The following DPYD variants were observed in gnomAD, a reference collection of about 807,000 sequenced individuals.
DPYD encodes the protein dihydropyrimidine dehydrogenase.
DPYD carries 109 observed loss-of-function variants against 116.2 expected under a neutral mutation model. The observed-to-expected ratio is 0.94, with a 90% CI of 0.80 to 1.10. The LOEUF is 1.10. Among genes scored for constraint, DPYD ranks in the 50% least tolerant of loss-of-function variants. The pLI is 0.00. For synonymous variants in DPYD, 440 were observed against 432.0 expected (o/e 1.02, Z -0.23); for missense variants, 1,302 against 1,254.5 (o/e 1.04, Z -0.57).
At chr1:97,312,802 T>C (rs72726693) in intron 16 of DPYD, among the ~76,000 whole-genome samples, 2,267 of 151,976 alleles carry the variant, frequency 0.015, 41 homozygotes, top group Middle Eastern at 0.044. Flanking sequence ...TAATCGGGTA[T>C]AGACATTTGC....
intron 20 of DPYD, among the ~76,000 whole-genome samples, chr1:97,190,835 C>T (rs1289883969): frequency 6.6e-6 from 1 of 152,154 alleles, no homozygotes; most frequent in Non-Finnish European, 1.5e-5. Context: ...AATATCTATT[C>T]TGGTTTATTC....
chr1:97,098,623 T>A lies in DPYD; in HGVS notation c.2632A>T (p.Ser878Cys), dbSNP rs762911226. The A allele has an allele frequency of 1.2e-6, 2 of 1,612,896 alleles. No individual in the cohort carries two copies. Among genetic ancestry groups the A allele is most frequent in the South Asian group, 2.2e-5 (2 of 91,046 alleles). Residue 878 changes from serine (S) to cysteine (C), a missense_variant, in exon 21 of 23, where the codon AGT becomes TGT. By Grantham distance (112) the Ser-to-Cys change is moderately radical. Transcript: ENST00000370192. The stretch of plus-strand genomic sequence containing the variant: ...CGCTGTTCCAGATAAGGTCCAAAAC[T>A]TGGCAGTTTCTAAAAGGAAAACACA... ...IAELMDKKLP[S>C]FGPYLEQRKK...
intron 19 of DPYD, among the ~76,000 whole-genome samples, chr1:97,212,477 G>T (rs931110925): frequency 1.3e-5 from 2 of 152,052 alleles, no homozygotes; most frequent in Non-Finnish European, 2.9e-5. Context: ...ACCTGCTAGG[G>T]ATTTAGACTG....
intron 20 of DPYD, among the ~76,000 whole-genome samples, chr1:97,141,490 C>T (rs976924589): frequency 9.9e-5 from 15 of 152,084 alleles, no homozygotes; most frequent in African/African-American, 3.4e-4. Context: ...ATTTCCTTCA[C>T]ATTTTGCTCA....
At chr1:97,313,071 C>G (rs1029415243) in intron 16 of DPYD, among the ~76,000 whole-genome samples, 2 of 151,796 alleles carry the variant, frequency 1.3e-5, no homozygotes, top group African/African-American at 4.8e-5. Flanking sequence ...AAATGCAAAC[C>G]AGGCACACAA....
intron 16 of DPYD, among the ~76,000 whole-genome samples, chr1:97,314,283 T>C (rs1015945990): frequency 6.6e-6 from 1 of 151,902 alleles, no homozygotes; most frequent in Non-Finnish European, 1.5e-5. Flanking sequence ...CTTTAGTCCC[T>C]GGGACCTTGA....
At chr1:97,467,631 G>A (rs1677406269) in intron 13 of DPYD, among the ~76,000 whole-genome samples, 2 of 152,188 alleles carry the variant, frequency 1.3e-5, no homozygotes, top group African/African-American at 4.8e-5. Flanking sequence ...CTATCAGGTT[G>A]TCAGTGTTTG....
At chr1:97,666,330 T>TC (rs1437875928) in intron 8 of DPYD, among the ~76,000 whole-genome samples, 1 of 151,988 alleles carries the variant, frequency 6.6e-6, no homozygotes, top group East Asian at 1.9e-4. Context: ...ATGGCGAATT[T>TC]TTTCTTTTTG....
chr1:97,361,471 T>A (rs1357588247), intron 16 of DPYD, among the ~76,000 whole-genome samples: 2 of 152,198 alleles, frequency 1.3e-5, no homozygotes, highest in African/African-American at 2.4e-5. Flanking sequence ...AGCATTATCC[T>A]GATACCAAAG....
At chr1:97,110,991 G>C (rs998896085) in intron 20 of DPYD, among the ~76,000 whole-genome samples, 1 of 147,760 alleles carries the variant, frequency 6.8e-6, no homozygotes, top group Non-Finnish European at 1.5e-5. Flanking sequence ...AACATAGAGA[G>C]ACCCCATCTC....
At chr1:97,295,072 G>T (rs2101000636) in intron 18 of DPYD, among the ~76,000 whole-genome samples, 1 of 152,300 alleles carries the variant, frequency 6.6e-6, no homozygotes, top group South Asian at 2.1e-4. Flanking sequence ...TCATTTTGGA[G>T]AAAGATCTGA....
chr1:97,720,052 G>GT, intron 5 of DPYD: 7 of 984,858 alleles, frequency 7.1e-6, no homozygotes, highest in Non-Finnish European at 7.2e-6. Context: ...GTAGAACCAA[G>GT]TAAGAGTTCC....
chr1:97,521,474 C>T (rs1648657443), intron 12 of DPYD, among the ~76,000 whole-genome samples: 1 of 152,108 alleles, frequency 6.6e-6, no homozygotes, highest in South Asian at 2.1e-4. Flanking sequence ...ATGAAAATGG[C>T]CATACTGCCT....
chr1:97,547,335 C>T (rs1650973877), intron 12 of DPYD, among the ~76,000 whole-genome samples: 1 of 152,002 alleles, frequency 6.6e-6, no homozygotes, highest in African/African-American at 2.4e-5. Flanking sequence ...GGGAACCATC[C>T]ACTCCCTGAG....
intron 11 of DPYD, among the ~76,000 whole-genome samples, chr1:97,551,784 G>T (rs1056991252): frequency 3.3e-5 from 5 of 152,028 alleles, no homozygotes; most frequent in Non-Finnish European, 7.4e-5. Context: ...CACATCTGAG[G>T]ATTCAATCAA....
intron 20 of DPYD, among the ~76,000 whole-genome samples, chr1:97,173,376 G>GTGTATATACGTACATATATGTGTATA (rs1656979827): frequency 6.9e-6 from 1 of 145,332 alleles, no homozygotes; most frequent in East Asian, 2.2e-4. Flanking sequence ...ACATATATGT[G>GTGTATATACGTACATATATGTGTATA]TGTATATACG....
chr1:97,804,763 C>T lies in DPYD; in HGVS notation c.233+23351G>A, dbSNP rs547093401. On this transcript the variant is annotated intron_variant, in intron 3 of 22. Coordinates refer to ENST00000370192, the MANE Select transcript of DPYD (RefSeq NM_000110.4). ...GGTCACATAAAAAGCTCAATTAAAA[C>T]TAATTTAACTTCATCTCTTAGGATT... is the stretch of plus-strand genomic sequence containing the variant. Among the ~76,000 whole-genome samples, 41 of 151,970 alleles carry T rather than the reference C, an allele frequency of 2.7e-4. No homozygotes were observed. The South Asian group carries it at 2.9e-3, about 11-fold the overall frequency.
chr1:97,838,851 C>CA lies in DPYD; in HGVS notation c.151-10656dup, dbSNP rs572276546. Reference sequence around the variant, plus strand: ...TGGGCGACAGAGCGAGACTCCGTCTCAAAAAAAAAAATAAATAAAAAAATA... The same window carrying CA: ...TGGGCGACAGAGCGAGACTCCGTCTCAAAAAAAAAAAATAAATAAAAAAATA... On this transcript the variant is annotated intron_variant, in intron 2 of 22. Coordinates refer to ENST00000370192, the MANE Select transcript of DPYD (RefSeq NM_000110.4). Among the ~76,000 whole-genome samples, 1,053 of 137,174 alleles carry CA rather than the reference C, an allele frequency of 7.7e-3. 17 individuals carry two copies. Among genetic ancestry groups the CA allele is most frequent in the African/African-American group, 0.027 (983 of 37,050 alleles). The allele number at this position is 137,174 out of a possible 152,430, so 90.0% of individuals were successfully genotyped here.
At chr1:97,720,825 C>A in intron 5 of DPYD, 3 of 1,589,860 alleles carry the variant, frequency 1.9e-6, no homozygotes, top group Non-Finnish European at 2.6e-6. Flanking sequence ...GGGAATTAAC[C>A]TGCTTGTTGA....
Sources: allele counts gnomAD v4.1 joint callset (sites outside exome capture counted in the v4.1 genomes callset), GRCh38; gene constraint gnomAD v4.1.1; transcripts MANE v1.5; gene names NCBI Gene and HGNC (gene_info 2026-07-23, HGNC 2026-07-21).